Variants in PDIA6 observed in about 807,000 individuals in gnomAD.
PDIA6 encodes the protein protein disulfide-isomerase A6.
Under a neutral mutation model 58.4 loss-of-function variants are expected in PDIA6, and 29 were observed. The observed-to-expected ratio is 0.50, with a 90% CI of 0.37 to 0.68. PDIA6 has a LOEUF of 0.68. Among genes scored for constraint, PDIA6 ranks in the 30% least tolerant of loss-of-function variants. The pLI is 0.00. For synonymous variants in PDIA6, 192 were observed against 202.6 expected (o/e 0.95, Z 0.44); for missense variants, 480 against 551.0 (o/e 0.87, Z 1.29).
chr2:10,822,527 G>T (rs565815062), intron 1 of PDIA6, among the ~76,000 whole-genome samples: 1 of 152,282 alleles, frequency 6.6e-6, no homozygotes, highest in East Asian at 1.9e-4. Flanking sequence ...CTCCCAAAGT[G>T]CTAGGATTAC....
upstream of PDIA6, chr2:10,832,499 A>ATG: frequency 2.2e-6 from 2 of 923,524 alleles, no homozygotes; most frequent in Non-Finnish European, 2.6e-6. Flanking sequence ...TAGTGACAGG[A>ATG]AGTGACCGCA....
chr2:10,790,422 T>C (rs1665980257), intron 7 of PDIA6, among the ~76,000 whole-genome samples: 1 of 152,182 alleles, frequency 6.6e-6, no homozygotes, highest in Non-Finnish European at 1.5e-5. Context: ...TAACACAAAG[T>C]ACCTGCCCTA....
At chr2:10,837,639 A>G (rs1183631052) in exon 1 of PDIA6, 3 of 1,344,748 alleles carry the variant, frequency 2.2e-6, no homozygotes, top group Admixed American at 2.0e-5. Flanking sequence ...ACAGAATTGC[A>G]GCTTGTTCAG....
At chr2:10,823,978 TC>T (rs1331768519) in intron 1 of PDIA6, among the ~76,000 whole-genome samples, 1 of 152,090 alleles carries the variant, frequency 6.6e-6, no homozygotes, top group Non-Finnish European at 1.5e-5. Context: ...CCCATGGGGG[TC>T]CACTGAGGCC....
At position 10,810,170 on chromosome 2, in the gene PDIA6, C is replaced by A. The variant is rs1252404839; in HGVS notation, c.19+2508G>T. 22 of 771,382 alleles carry A rather than the reference C, an allele frequency of 2.9e-5. 1 individual carries two copies. The East Asian group carries it at 5.9e-4, about 21-fold the overall frequency. The allele number at this position is 771,382 out of a possible 1,614,324, so 47.8% of individuals were successfully genotyped here. A position where few individuals can be genotyped will look rare whatever the true frequency, so the allele number is the denominator to read the frequency against. Reference sequence around the variant, plus strand: ...TTGCATATATTAAGTCATTTAAGAACCCTATGTGGTATGTGTCATGGTGCC... The same window carrying A: ...TTGCATATATTAAGTCATTTAAGAAACCTATGTGGTATGTGTCATGGTGCC... On this transcript the variant is annotated intron_variant, in intron 1 of 12. Transcript: ENST00000272227.
upstream of PDIA6, among the ~76,000 whole-genome samples, chr2:10,816,595 C>A (rs1425624958): frequency 6.7e-6 from 1 of 149,326 alleles, no homozygotes; most frequent in Non-Finnish European, 1.5e-5. Context: ...AAAAATACAG[C>A]ATTTTTCATT....
chr2:10,784,812 G>A lies in PDIA6; in HGVS notation c.1254+122C>T, dbSNP rs1356743245. The stretch of plus-strand genomic sequence containing the variant: ...TCTTCAGAGAAGAACCTCTTAAAAG[G>A]CCCACGGGTGCACCAGGGCTGAGGT... On this transcript the variant is annotated intron_variant, in intron 12 of 12. Transcript: ENST00000272227. The A allele has an allele frequency of 5.8e-6, 4 of 684,416 alleles. No homozygotes were observed. In the African/African-American group the frequency reaches 7.2e-5, roughly 12 times the overall value. 42.4% of individuals were successfully genotyped at this position (684,416 alleles called of 1,614,324 possible). A position where few individuals can be genotyped will look rare whatever the true frequency, so the allele number is the denominator to read the frequency against.
At chr2:10,789,979 AATTT>A in intron 7 of PDIA6, 90 bp from the exon 8 acceptor site, 2 of 1,118,672 alleles carry the variant, frequency 1.8e-6, no homozygotes, top group Middle Eastern at 2.6e-4. Flanking sequence ...CCTTATAGGT[AATTT>A]TTTTTTTTTT....
intron 4 of PDIA6, among the ~76,000 whole-genome samples, chr2:10,796,072 T>C (rs146137748): frequency 0.49 from 74,045 of 150,968 alleles, 19,736 homozygotes; most frequent in Middle Eastern, 0.59. Flanking sequence ...TTTTTTTTTT[T>C]TTTTTTTGAG....
chr2:10,783,565 T>G lies in PDIA6; in HGVS notation c.*693A>C, dbSNP rs182197560. 3 of 291,004 alleles carry G rather than the reference T, an allele frequency of 1.0e-5. No individual in the cohort carries two copies. Among genetic ancestry groups the G allele is most frequent in the Admixed American group, 4.9e-5 (1 of 20,322 alleles). 18.0% of individuals were successfully genotyped at this position (291,004 alleles called of 1,614,324 possible). ...GTCTTAACGGCTATTTTGAGGTTCATTAACAACATAGAAAGCCTTGAACTG... is the reference window on the plus strand; with the variant it reads ...GTCTTAACGGCTATTTTGAGGTTCAGTAACAACATAGAAAGCCTTGAACTG... On this transcript the variant is annotated 3_prime_UTR_variant, in exon 13 of 13. Transcript: ENST00000272227.
intron 4 of PDIA6, among the ~76,000 whole-genome samples, chr2:10,794,468 CTTTTTT>C (rs76574229): frequency 0.51 from 65,347 of 128,718 alleles, 17,336 homozygotes; most frequent in Middle Eastern, 0.61. Flanking sequence ...AAAAATCTTT[CTTTTTT>C]TTTTTTTTTT....
intron 8 of PDIA6, among the ~76,000 whole-genome samples, chr2:10,789,501 A>G (rs950518297): frequency 1.3e-5 from 2 of 152,214 alleles, no homozygotes; most frequent in Non-Finnish European, 2.9e-5. Flanking sequence ...TACTTTGAGA[A>G]TGATAAGCAA....
At chr2:10,814,684 CT>C (rs1667138543), upstream of PDIA6, among the ~76,000 whole-genome samples, 1 of 152,208 alleles carries the variant, frequency 6.6e-6, no homozygotes, top group Non-Finnish European at 1.5e-5. Flanking sequence ...ATTTAATTCT[CT>C]TACCAGAAGA....
chr2:10,810,062 CT>C (rs1364897486), intron 1 of PDIA6, among the ~76,000 whole-genome samples: 1 of 152,176 alleles, frequency 6.6e-6, no homozygotes, highest in Non-Finnish European at 1.5e-5. Context: ...TCACACTATG[CT>C]CCAGAAACTG....
chr2:10,829,758 G>A (rs1012005737), intron 1 of PDIA6, among the ~76,000 whole-genome samples: 3 of 152,160 alleles, frequency 2.0e-5, no homozygotes, highest in East Asian at 3.9e-4. Flanking sequence ...GACACTGTAC[G>A]TGATTACATT....
intron 1 of PDIA6, among the ~76,000 whole-genome samples, chr2:10,811,966 T>C (rs1034844315): frequency 6.6e-6 from 1 of 152,088 alleles, no homozygotes; most frequent in Non-Finnish European, 1.5e-5. Context: ...CAGGCTGGAG[T>C]GGCGCGATCT....
chr2:10,795,965 C>T (rs1666247420), intron 4 of PDIA6, among the ~76,000 whole-genome samples: 1 of 152,138 alleles, frequency 6.6e-6, no homozygotes, highest in South Asian at 2.1e-4. Flanking sequence ...ATTTCAGCTT[C>T]AAACAAATTA....
intron 12 of PDIA6, 141 bp from the exon 13 acceptor site, chr2:10,784,467 C>T (rs1245239491): frequency 3.3e-6 from 2 of 598,900 alleles, no homozygotes; most frequent in Non-Finnish European, 5.8e-6. Context: ...CCTACCCTGA[C>T]CTTCGTACCT....
chr2:10,803,088 T>A (rs1302784721), intron 1 of PDIA6, among the ~76,000 whole-genome samples: 1 of 152,234 alleles, frequency 6.6e-6, no homozygotes, highest in Non-Finnish European at 1.5e-5. Flanking sequence ...TTTATTCAAA[T>A]ATATTTTTGA....
Sources: gnomAD v4.1 joint callset for allele counts (sites outside exome capture counted in the v4.1 genomes callset) on GRCh38, gnomAD v4.1.1 for gene constraint, MANE v1.5 for transcripts, NCBI Gene and HGNC (gene_info 2026-07-23, HGNC 2026-07-21) for gene names.